The following FHIT variants were observed in gnomAD, a reference collection of about 807,000 sequenced individuals.
FHIT encodes fragile histidine triad diadenosine triphosphatase.
Under a neutral mutation model 17.9 loss-of-function variants are expected in FHIT, and 19 were observed. That is an observed-to-expected ratio of 1.06 (90% confidence interval 0.74 to 1.56). FHIT has a LOEUF of 1.56. Ranked by LOEUF, FHIT falls within the 40% of genes most tolerant of loss-of-function variation. The probability of loss-of-function intolerance (pLI) is 0.00; values close to 1 mark genes in which losing one functional copy is unlikely to be tolerated. For missense variants in FHIT, 248 were observed against 189.2 expected, an observed-to-expected ratio of 1.31 and a Z score of -1.82; for synonymous variants, 81 against 69.7, an observed-to-expected ratio of 1.16 and a Z score of -0.81.
At chr3:61,172,603 A>G (rs1576148224) in intron 2 of FHIT, among the ~76,000 whole-genome samples, 1 of 152,380 alleles carries the variant, frequency 6.6e-6, no homozygotes, top group East Asian at 1.9e-4. Flanking sequence ...CCTAAAAAGT[A>G]GATAAAATAC....
intron 3 of FHIT, among the ~76,000 whole-genome samples, chr3:60,984,052 C>T (rs1710610514): frequency 2.0e-5 from 3 of 152,302 alleles, no homozygotes; most frequent in Middle Eastern, 3.4e-3. Context: ...TTCCATCTAA[C>T]CCAGCTCCAT....
intron 5 of FHIT, among the ~76,000 whole-genome samples, chr3:60,142,461 C>T (rs1376247651): frequency 6.6e-6 from 1 of 151,756 alleles, no homozygotes; most frequent in Non-Finnish European, 1.5e-5. Flanking sequence ...TCTTCTTGAA[C>T]CAGAAAAGAT....
intron 4 of FHIT, among the ~76,000 whole-genome samples, chr3:60,540,905 T>C (rs2036165319): frequency 1.3e-5 from 2 of 152,112 alleles, no homozygotes; most frequent in South Asian, 4.1e-4. Context: ...GTTCTCAAGG[T>C]GACGTCCCTC....
rs59589849 is a variant in FHIT at position 59,869,484 on chromosome 3, C to CTTTTTTTTTT, written c.348+52852_348+52861dup. 1.7e-3 allele frequency among the ~76,000 whole-genome samples: 174 copies of CTTTTTTTTTT among 105,432 alleles called. 18 individuals carry two copies. The highest frequency in any genetic ancestry group is 5.4e-3 in the African/African-American group (129 of 24,098). 69.2% of individuals were successfully genotyped at this position (105,432 alleles called of 152,430 possible). A position where few individuals can be genotyped will look rare whatever the true frequency, so the allele number is the denominator to read the frequency against. ...ATTCCATCTTTCCTTAAAGAACATC[C>CTTTTTTTTTT]TTTTTTTTTTTTTTTTAGACAGAGT... On this transcript the variant is annotated intron_variant, in intron 8 of 9. Transcript: ENST00000492590.
chr3:59,979,964 C>A (rs893656110), intron 7 of FHIT, among the ~76,000 whole-genome samples: 1 of 152,102 alleles, frequency 6.6e-6, no homozygotes, highest in Non-Finnish European at 1.5e-5. Flanking sequence ...CAACACTGTT[C>A]GACAGAGAAG....
At position 59,892,610 on chromosome 3, in the gene FHIT, T is replaced by G. The variant is rs561011895; in HGVS notation, c.348+29736A>C. ...GAACACGAGAAACAAGATTACAAAG[T>G]AGTATTCCTCAGTGAGTGCTGTGAA... On this transcript the variant is annotated intron_variant, in intron 8 of 9. Transcript: ENST00000492590. Among the ~76,000 whole-genome samples the G allele has an allele frequency of 4.6e-5, 7 of 152,246 alleles. No homozygotes were observed. In the South Asian group the frequency reaches 6.2e-4, roughly 14 times the overall value.
intron 5 of FHIT, among the ~76,000 whole-genome samples, chr3:60,392,405 G>T (rs1229955639): frequency 1.3e-5 from 2 of 152,150 alleles, no homozygotes; most frequent in Admixed American, 1.3e-4. Context: ...ACACCATGTC[G>T]AATATGAAGC....
intron 2 of FHIT, among the ~76,000 whole-genome samples, chr3:61,198,426 G>T (rs1028130822): frequency 6.6e-6 from 1 of 152,032 alleles, no homozygotes; most frequent in Non-Finnish European, 1.5e-5. Context: ...CAGGGTGCAG[G>T]CCCCTGAGTA....
At chr3:60,940,588 G>A (rs1033634433) in intron 3 of FHIT, among the ~76,000 whole-genome samples, 1 of 152,102 alleles carries the variant, frequency 6.6e-6, no homozygotes, top group Admixed American at 6.5e-5. Flanking sequence ...ATATGATAAT[G>A]TCTGAGGGTT....
At chr3:60,798,824 C>G (rs778346007) in intron 4 of FHIT, among the ~76,000 whole-genome samples, 3 of 124,870 alleles carry the variant, frequency 2.4e-5, no homozygotes, top group Non-Finnish European at 4.7e-5. Context: ...GTGGCATGTT[C>G]TTGGCTCACT....
intron 8 of FHIT, among the ~76,000 whole-genome samples, chr3:59,782,339 G>T (rs926492162): frequency 3.3e-5 from 5 of 152,108 alleles, no homozygotes; most frequent in Non-Finnish European, 5.9e-5. Context: ...CTGTAATAAA[G>T]ATAGAGTTAT....
intron 3 of FHIT, among the ~76,000 whole-genome samples, chr3:60,945,617 C>G (rs151247318): frequency 6.6e-6 from 1 of 152,190 alleles, no homozygotes; most frequent in Non-Finnish European, 1.5e-5. Flanking sequence ...TGGTCTCAAA[C>G]TCCTGACATC....
At chr3:60,609,022 GA>G (rs35545161) in intron 4 of FHIT, among the ~76,000 whole-genome samples, 32,908 of 141,478 alleles carry the variant, frequency 0.23, 3,827 homozygotes, top group Non-Finnish European at 0.26. Flanking sequence ...GCACAATTTG[GA>G]AAAAAAAAAA....
chr3:59,911,668 G>A (rs1275132048), intron 8 of FHIT, among the ~76,000 whole-genome samples: 1 of 152,186 alleles, frequency 6.6e-6, no homozygotes, highest in African/African-American at 2.4e-5. Context: ...GGCATCTCAG[G>A]AAGGACAACA....
chr3:60,172,734 G>C (rs960921146), intron 5 of FHIT, among the ~76,000 whole-genome samples: 2 of 152,182 alleles, frequency 1.3e-5, no homozygotes, highest in African/African-American at 4.8e-5. Context: ...TGGATACTGA[G>C]ACAAGGTTGG....
chr3:61,014,435 T>C (rs1043579700), intron 3 of FHIT, among the ~76,000 whole-genome samples: 2 of 152,106 alleles, frequency 1.3e-5, no homozygotes, highest in African/African-American at 2.4e-5. Flanking sequence ...TATATTAATC[T>C]GTAGCTCTGT....
chr3:60,922,285 TC>T (rs1707326047), intron 3 of FHIT, among the ~76,000 whole-genome samples: 1 of 152,114 alleles, frequency 6.6e-6, no homozygotes, highest in African/African-American at 2.4e-5. Flanking sequence ...TACCTTCATC[TC>T]CCCATGCGGG....
chr3:60,560,945 G>T (rs1485405467), intron 4 of FHIT, among the ~76,000 whole-genome samples: 1 of 151,766 alleles, frequency 6.6e-6, no homozygotes, highest in Non-Finnish European at 1.5e-5. Flanking sequence ...GTCCCTTCCT[G>T]TGAAAAGAAT....
chr3:59,766,879 A>G (rs940998012), intron 8 of FHIT, among the ~76,000 whole-genome samples: 1 of 152,212 alleles, frequency 6.6e-6, no homozygotes, highest in African/African-American at 2.4e-5. Context: ...GATTTTGGCA[A>G]TAACTCACCC....
Sources: allele counts gnomAD v4.1 joint callset (sites outside exome capture counted in the v4.1 genomes callset), GRCh38; gene constraint gnomAD v4.1.1; transcripts MANE v1.5; gene names NCBI Gene and HGNC (gene_info 2026-07-23, HGNC 2026-07-21).